Variants in NADSYN1 observed in about 807,000 individuals in gnomAD.
NADSYN1 encodes glutamine-dependent NAD(+) synthetase.
In NADSYN1, 80 loss-of-function variants were observed where a neutral mutation model predicts 99.3. The ratio of observed to expected loss-of-function variants is 0.81; its 90% CI spans 0.67 to 0.97. The LOEUF is 0.97. Among genes scored for constraint, NADSYN1 ranks in the 50% least tolerant of loss-of-function variants. The pLI is 0.00. For synonymous variants in NADSYN1, 385 were observed against 372.1 expected (o/e 1.03, Z -0.40); for missense variants, 859 against 948.5 (o/e 0.91, Z 1.24).
At chr11:71,477,189 C>G (rs1949673512) in intron 9 of NADSYN1, 1 of 1,177,242 alleles carries the variant, frequency 8.5e-7, no homozygotes, top group Non-Finnish European at 1.1e-6. Context: ...GGCTTTCCGG[C>G]TTGTCGTGTG....
intron 6 of NADSYN1, 84 bp from the exon 7 acceptor site, chr11:71,473,194 C>A: frequency 7.8e-7 from 1 of 1,283,706 alleles, no homozygotes; most frequent in Non-Finnish European, 1.1e-6. Flanking sequence ...CTTGTGGCTG[C>A]AGGATGTCCG....
chr11:71,472,315 G>A (rs553930131), intron 5 of NADSYN1, 134 bp from the exon 6 acceptor site: 4 of 760,090 alleles, frequency 5.3e-6, no homozygotes, highest in East Asian at 2.5e-5. Context: ...TATTGCATTG[G>A]GGGGAACGCT....
intron 12 of NADSYN1, 138 bp from the exon 13 acceptor site, chr11:71,481,785 C>G (rs1949709600): frequency 1.5e-6 from 1 of 689,060 alleles, no homozygotes; most frequent in African/African-American, 1.8e-5. Flanking sequence ...GGTATTTGTC[C>G]TGACCCCATG....
At chr11:71,453,484 T>G in intron 1 of NADSYN1, 103 bp downstream of exon 1, 1 of 1,105,146 alleles carries the variant, frequency 9.0e-7, no homozygotes, top group Non-Finnish European at 1.3e-6. Flanking sequence ...CCTGGGAAAC[T>G]CTCGGCCCTG....
chr11:71,475,232 A>T (rs763709068), intron 9 of NADSYN1: 21 of 156,642 alleles, frequency 1.3e-4, no homozygotes, highest in Non-Finnish European at 2.3e-4. Flanking sequence ...ACATATACTC[A>T]TCTGAGGCCT....
At position 71,464,115 on chromosome 11, in the gene NADSYN1, G is replaced by T. The variant is rs200292694; in HGVS notation, c.380G>T (p.Arg127Leu). The T allele has an allele frequency of 6.2e-7, 1 of 1,611,660 alleles. No individual in the cohort carries two copies. Among genetic ancestry groups the T allele is most frequent in the South Asian group, 1.1e-5 (1 of 90,402 alleles). ...AATGAAGGCAACTACCGCGAGCTGC[G>T]CTGGTTCACCCCGTGGTCGAGGAGT... ...LANEGNYREL[R>L]WFTPWSRSRH... Residue 127 changes from arginine to leucine, a missense_variant, in exon 5 of 21, where the codon CGC becomes CTC. Arg to Leu is a moderately radical substitution (Grantham distance 102, BLOSUM62 -2). Transcript: ENST00000319023.
intron 1 of NADSYN1, among the ~76,000 whole-genome samples, chr11:71,454,229 T>C (rs755990295): frequency 4.8e-4 from 73 of 152,210 alleles, no homozygotes; most frequent in Non-Finnish European, 9.1e-4. Flanking sequence ...TATTATTATT[T>C]GACATGGACT....
At chr11:71,488,661 T>C (rs1161516139) in intron 16 of NADSYN1, among the ~76,000 whole-genome samples, 2 of 151,690 alleles carry the variant, frequency 1.3e-5, no homozygotes, top group African/African-American at 2.4e-5. Context: ...GTTTGCTTTA[T>C]TATTAGAGAC....
chr11:71,463,318 A>G (rs551078185), intron 3 of NADSYN1, 114 bp from the exon 4 acceptor site: 3 of 925,496 alleles, frequency 3.2e-6, no homozygotes, highest in Non-Finnish European at 5.2e-6. Context: ...AAGGGATCGG[A>G]GGAAGCTTCG....
intron 18 of NADSYN1, among the ~76,000 whole-genome samples, chr11:71,494,500 G>A (rs988428894): frequency 1.3e-5 from 2 of 152,048 alleles, no homozygotes; most frequent in African/African-American, 4.8e-5. Flanking sequence ...CTGTCATTCA[G>A]TGATGCGCGC....
intron 3 of NADSYN1, 117 bp from the exon 4 acceptor site, chr11:71,463,315 C>G (rs532898044): frequency 9.9e-6 from 9 of 905,900 alleles, no homozygotes; most frequent in Non-Finnish European, 1.6e-5. Flanking sequence ...CCGAAGGGAT[C>G]GGAGGAAGCT....
chr11:71,499,722 G>C (rs1949845019), intron 20 of NADSYN1: 1 of 152,226 alleles, frequency 6.6e-6, no homozygotes, highest in Non-Finnish European at 1.5e-5. Flanking sequence ...CTGACGAGAG[G>C]AGAGAGCCGG....
At position 71,476,718 on chromosome 11, in the gene NADSYN1, C is replaced by T. The variant is rs540724823; in HGVS notation, c.799-1677C>T. ...CTGATGGGAAGTGTGGTCCTCTCCCCGTTCACGTCAGAGCCACAGGCACAT... is the reference window on the plus strand; with the variant it reads ...CTGATGGGAAGTGTGGTCCTCTCCCTGTTCACGTCAGAGCCACAGGCACAT... On this transcript the variant is annotated intron_variant, in intron 9 of 20. Coordinates refer to ENST00000319023, the MANE Select transcript of NADSYN1 (RefSeq NM_018161.5). The T allele has an allele frequency of 5.8e-6, 5 of 855,762 alleles. No individual in the cohort carries two copies. In the East Asian group the frequency reaches 6.2e-4, roughly 106 times the overall value. 53.0% of individuals were successfully genotyped at this position (855,762 alleles called of 1,614,324 possible). A position where few individuals can be genotyped will look rare whatever the true frequency, so the allele number is the denominator to read the frequency against.
At chr11:71,468,223 A>G (rs1033234173) in intron 5 of NADSYN1, among the ~76,000 whole-genome samples, 5 of 152,276 alleles carry the variant, frequency 3.3e-5, no homozygotes, top group African/African-American at 1.2e-4. Flanking sequence ...TACGTTAGGC[A>G]GAAGGAAAAT....
chr11:71,460,701 A>G (rs1374665010), intron 3 of NADSYN1: 6 of 151,814 alleles, frequency 4.0e-5, no homozygotes, highest in Non-Finnish European at 5.9e-5. Context: ...ATTTGAAGGT[A>G]TTTTTTCTTT....
chr11:71,495,638 T>C (rs1949813969), intron 18 of NADSYN1, among the ~76,000 whole-genome samples: 1 of 152,214 alleles, frequency 6.6e-6, no homozygotes, highest in Non-Finnish European at 1.5e-5. Flanking sequence ...CAGCTATTAT[T>C]GTTGAATTGA....
intron 18 of NADSYN1, 97 bp downstream of exon 18, chr11:71,492,000 AGCTGCATCG>A: frequency 3.4e-6 from 4 of 1,168,088 alleles, no homozygotes; most frequent in African/African-American, 1.5e-5. Flanking sequence ...ACCCCAGGAC[AGCTGCATCG>A]CTGTCACTGG....
chr11:71,484,497 C>A lies in NADSYN1; in HGVS notation c.1455+50C>A, dbSNP rs756360435. 3 of 1,574,496 alleles carry A rather than the reference C, an allele frequency of 1.9e-6. No homozygotes were observed. The South Asian group carries it at 3.4e-5, about 18-fold the overall frequency. On this transcript the variant is annotated intron_variant, in intron 15 of 20. Transcript: ENST00000319023. Reference sequence around the variant, plus strand: ...CCTGGGGGTGGGGGTGCAGGGAGCACTGGGACAATCACTACAGGATGTGCA... The same window carrying A: ...CCTGGGGGTGGGGGTGCAGGGAGCAATGGGACAATCACTACAGGATGTGCA...
intron 3 of NADSYN1, among the ~76,000 whole-genome samples, chr11:71,462,781 G>A (rs1280106674): frequency 6.6e-6 from 1 of 152,152 alleles, no homozygotes; most frequent in Non-Finnish European, 1.5e-5. Flanking sequence ...GCTTTTCTTC[G>A]ACACTGTGTC....
Sources: gnomAD v4.1 joint callset for allele counts (sites outside exome capture counted in the v4.1 genomes callset) on GRCh38, gnomAD v4.1.1 for gene constraint, MANE v1.5 for transcripts, NCBI Gene and HGNC (gene_info 2026-07-23, HGNC 2026-07-21) for gene names.